Variants in RBFOX2 observed in about 807,000 individuals in gnomAD.
The protein encoded by RBFOX2 is RNA binding protein fox-1 homolog 2.
RBFOX2 carries 10 observed loss-of-function variants against 49.1 expected under a neutral mutation model. The ratio of observed to expected loss-of-function variants is 0.20; its 90% CI spans 0.13 to 0.35. The LOEUF (loss-of-function observed/expected upper bound fraction) is 0.35. RBFOX2 is among the 10% of genes least tolerant of loss of function. The pLI, the probability that RBFOX2 is intolerant of heterozygous loss-of-function variation, is 1.00. For synonymous variants in RBFOX2, 183 were observed against 187.4 expected, an observed-to-expected ratio of 0.98 and a Z score of 0.19; for missense variants, 323 against 486.9, an observed-to-expected ratio of 0.66 and a Z score of 3.17.
Position 35,746,472 on chromosome 22 carries a change from C to T in RBFOX2, c.976+1G>A. The T allele has an allele frequency of 6.3e-7, 1 of 1,593,914 alleles. No homozygotes were observed. Among genetic ancestry groups the T allele is most frequent in the Non-Finnish European group, 8.6e-7 (1 of 1,166,544 alleles). ...AAGCTCACCACTGTCTCTGTACATA[C>T]CCGTCACTGTAAGCGGCTGCAGCGG... On this transcript the variant is annotated splice_donor_variant, in intron 10 of 11. Coordinates refer to ENST00000405409, the Ensembl canonical transcript of RBFOX2. LOFTEE classifies it high-confidence loss of function.
chr22:35,904,945 T>C (rs569430775), intron 1 of RBFOX2, among the ~76,000 whole-genome samples: 27 of 152,294 alleles, frequency 1.8e-4, no homozygotes, highest in African/African-American at 5.1e-4. Context: ...AGGGCAGACA[T>C]AAAACATTTC....
intron 2 of RBFOX2, among the ~76,000 whole-genome samples, chr22:35,790,085 G>C (rs901182652): frequency 5.9e-5 from 9 of 152,190 alleles, no homozygotes; most frequent in Non-Finnish European, 1.2e-4. Flanking sequence ...TTTTTGTGGT[G>C]TAAGTAAAAT....
intron 1 of RBFOX2, among the ~76,000 whole-genome samples, chr22:35,838,312 A>AT (rs2148812264): frequency 6.7e-6 from 1 of 148,186 alleles, no homozygotes; most frequent in East Asian, 2.0e-4. Flanking sequence ...GAGGTGATTT[A>AT]TTATATGGTT....
chr22:36,028,126 C>A (rs1259909949), intron 1 of RBFOX2, 114 bp downstream of exon 1: 63 of 1,304,990 alleles, frequency 4.8e-5, no homozygotes, highest in Non-Finnish European at 5.9e-5. Flanking sequence ...GGCCCCCCAT[C>A]CCACCTCCAA....
Position 35,839,728 on chromosome 22 carries a change from A to C in RBFOX2, c.27+464T>G, listed in dbSNP as rs181386939. Among the ~76,000 whole-genome samples, 13 of 152,344 alleles carry C rather than the reference A, an allele frequency of 8.5e-5. No individual in the cohort carries two copies. In the East Asian group the frequency reaches 2.5e-3, roughly 29 times the overall value. On this transcript the variant is annotated intron_variant, in intron 1 of 11. Transcript: ENST00000405409. ...ATAAGCAGTTTAGAGTAACAGCAAA[A>C]CTACAATTCCATAGCCAATCCTGAG...
chr22:36,016,124 G>C (rs780756549), intron 1 of RBFOX2, among the ~76,000 whole-genome samples: 3 of 151,972 alleles, frequency 2.0e-5, no homozygotes, highest in Non-Finnish European at 4.4e-5. Context: ...ATATAGATCT[G>C]CTTTGAAAAT....
chr22:35,951,772 A>G (rs373199819), intron 1 of RBFOX2, among the ~76,000 whole-genome samples: 1 of 152,214 alleles, frequency 6.6e-6, no homozygotes, highest in Non-Finnish European at 1.5e-5. Context: ...CAGAAAAACT[A>G]TACAATTTTT....
chr22:36,018,014 G>C (rs2059108460), intron 1 of RBFOX2, among the ~76,000 whole-genome samples: 1 of 152,138 alleles, frequency 6.6e-6, no homozygotes, highest in Non-Finnish European at 1.5e-5. Context: ...ATAGAAAGCA[G>C]ACCAAGGGCC....
chr22:35,794,485 A>C (rs1417877925), intron 2 of RBFOX2, among the ~76,000 whole-genome samples: 4 of 151,972 alleles, frequency 2.6e-5, no homozygotes, highest in Admixed American at 2.0e-4. Context: ...GGTGAAACCC[A>C]GTCTCTACTA....
intron 1 of RBFOX2, among the ~76,000 whole-genome samples, chr22:35,912,986 T>G (rs1046353248): frequency 2.0e-5 from 3 of 152,190 alleles, no homozygotes; most frequent in African/African-American, 7.2e-5. Context: ...CCTAGGCCAG[T>G]GCCTTTCTTA....
chr22:35,936,611 C>G (rs2149722413), intron 1 of RBFOX2, among the ~76,000 whole-genome samples: 2 of 152,224 alleles, frequency 1.3e-5, no homozygotes, highest in African/African-American at 4.8e-5. Context: ...CTAAAATAAA[C>G]CTGTCACCAT....
chr22:35,938,835 G>A lies in RBFOX2; in HGVS notation c.-34+12C>T, dbSNP rs2031929608. The A allele has an allele frequency of 6.2e-7, 1 of 1,610,222 alleles. No individual in the cohort carries two copies. Among genetic ancestry groups the A allele is most frequent in the Admixed American group, 1.7e-5 (1 of 60,002 alleles). ...ACATACATCATCTGAGTTACAAACA[G>A]CAGATACCAACCTGGCTGTCCCGCG... On this transcript the variant is annotated intron_variant, in intron 1 of 13. Transcript: ENST00000359369.
At chr22:35,848,146 G>A (rs950854498) in intron 1 of RBFOX2, among the ~76,000 whole-genome samples, 1 of 152,074 alleles carries the variant, frequency 6.6e-6, no homozygotes, top group Non-Finnish European at 1.5e-5. Flanking sequence ...TGCTGGTTGT[G>A]GGTCAGAAAT....
intron 1 of RBFOX2, among the ~76,000 whole-genome samples, chr22:35,922,853 C>T (rs963172576): frequency 6.6e-6 from 1 of 152,324 alleles, no homozygotes; most frequent in East Asian, 1.9e-4. Flanking sequence ...TCCTGAGTAG[C>T]TCTAACAGAG....
intron 1 of RBFOX2, among the ~76,000 whole-genome samples, chr22:35,934,303 T>C (rs1034661650): frequency 6.6e-6 from 1 of 152,152 alleles, no homozygotes; most frequent in African/African-American, 2.4e-5. Flanking sequence ...TAAGCATATA[T>C]TTGTTTAAAT....
chr22:36,023,879 T>C (rs2059334185), intron 1 of RBFOX2, among the ~76,000 whole-genome samples: 1 of 152,224 alleles, frequency 6.6e-6, no homozygotes, highest in Non-Finnish European at 1.5e-5. Flanking sequence ...GGGTTCCTTC[T>C]GAGCCTAAGG....
intron 1 of RBFOX2, among the ~76,000 whole-genome samples, chr22:36,026,391 G>A (rs917672837): frequency 2.6e-5 from 4 of 151,874 alleles, no homozygotes; most frequent in Non-Finnish European, 5.9e-5. Flanking sequence ...ACACCCCTGC[G>A]AAGTCCCTAC....
At chr22:35,872,928 A>T (rs9622297) in intron 1 of RBFOX2, among the ~76,000 whole-genome samples, 1 of 151,878 alleles carries the variant, frequency 6.6e-6, no homozygotes, top group African/African-American at 2.4e-5. Flanking sequence ...GCCAGGGGTC[A>T]CCTTTCTCTA....
chr22:35,901,010 C>T (rs547440693), intron 1 of RBFOX2, among the ~76,000 whole-genome samples: 2 of 152,326 alleles, frequency 1.3e-5, no homozygotes, highest in South Asian at 4.1e-4. Flanking sequence ...CAATGTAACA[C>T]CACCAACCGC....
Sources: allele counts gnomAD v4.1 joint callset (sites outside exome capture counted in the v4.1 genomes callset), GRCh38; gene constraint gnomAD v4.1.1; transcripts MANE v1.5; gene names NCBI Gene and HGNC (gene_info 2026-07-23, HGNC 2026-07-21).